The following TAFA1 variants were observed in gnomAD, a reference collection of about 807,000 sequenced individuals.
TAFA1 encodes the protein TAFA chemokine like family member 1, also known as chemokine-like protein TAFA-1.
Under a neutral mutation model 18.5 loss-of-function variants are expected in TAFA1, and 4 were observed. The ratio of observed to expected loss-of-function variants is 0.22; its 90% confidence interval spans 0.11 to 0.49. The LOEUF is 0.49. Among genes scored for constraint, TAFA1 ranks in the 20% least tolerant of loss-of-function variants. The probability of loss-of-function intolerance (pLI) is 0.98; values close to 1 mark genes in which losing one functional copy is unlikely to be tolerated. For missense variants in TAFA1, 147 were observed against 169.0 expected (o/e 0.87, Z 0.72); for synonymous variants, 56 against 55.2 (o/e 1.01, Z -0.06).
intron 2 of TAFA1, among the ~76,000 whole-genome samples, chr3:68,236,916 C>T (rs2066933878): frequency 1.3e-5 from 2 of 152,244 alleles, no homozygotes; most frequent in Non-Finnish European, 2.9e-5. Flanking sequence ...AAAACATGTG[C>T]TGGAATTAAT....
At chr3:68,523,885 C>G (rs1261785787) in intron 3 of TAFA1, among the ~76,000 whole-genome samples, 2 of 152,126 alleles carry the variant, frequency 1.3e-5, no homozygotes, top group Non-Finnish European at 2.9e-5. Flanking sequence ...AAACTTCTGT[C>G]AGTCTCATAC....
intron 2 of TAFA1, among the ~76,000 whole-genome samples, chr3:68,128,998 G>T (rs1338288646): frequency 1.3e-5 from 2 of 152,162 alleles, no homozygotes; most frequent in East Asian, 1.9e-4. Context: ...TTCTACAAAT[G>T]ATATTATACA....
chr3:68,037,523 C>T (rs1045033813), intron 2 of TAFA1, among the ~76,000 whole-genome samples: 17 of 152,156 alleles, frequency 1.1e-4, no homozygotes, highest in Admixed American at 1.0e-3. Flanking sequence ...GTCTAAACTA[C>T]AGTTTCCATT....
chr3:68,068,252 A>G (rs2064708033), intron 2 of TAFA1, among the ~76,000 whole-genome samples: 1 of 152,220 alleles, frequency 6.6e-6, no homozygotes, highest in Non-Finnish European at 1.5e-5. Flanking sequence ...GACATACAGA[A>G]AGAACAAGAT....
intron 2 of TAFA1, among the ~76,000 whole-genome samples, chr3:68,118,071 C>A (rs114461280): frequency 6.6e-6 from 1 of 152,032 alleles, no homozygotes; most frequent in African/African-American, 2.4e-5. Flanking sequence ...ATGATTCAAG[C>A]GCATTACATT....
At chr3:68,215,513 T>G (rs1021950346) in intron 2 of TAFA1, among the ~76,000 whole-genome samples, 2 of 152,008 alleles carry the variant, frequency 1.3e-5, no homozygotes, top group African/African-American at 2.4e-5. Context: ...AAACTAGACT[T>G]CATTAAAAAT....
chr3:68,533,873 C>G (rs1345104634), intron 3 of TAFA1, among the ~76,000 whole-genome samples: 1 of 151,990 alleles, frequency 6.6e-6, no homozygotes, highest in Admixed American at 6.6e-5. Flanking sequence ...AGTTTGTGGT[C>G]CTGAGATTTT....
At chr3:68,145,004 A>G in intron 2 of TAFA1, 1 of 1,567,644 alleles carries the variant, frequency 6.4e-7, no homozygotes, top group Non-Finnish European at 8.8e-7. Flanking sequence ...GGCCGTGAAG[A>G]TGCCAGTGGC....
At chr3:68,249,197 C>T (rs1234937738) in intron 2 of TAFA1, among the ~76,000 whole-genome samples, 3 of 152,214 alleles carry the variant, frequency 2.0e-5, no homozygotes, top group African/African-American at 4.8e-5. Flanking sequence ...TAAAATAATC[C>T]AGGGAATAAT....
intron 2 of TAFA1, among the ~76,000 whole-genome samples, chr3:68,159,710 C>T (rs1448331679): frequency 1.3e-5 from 2 of 152,080 alleles, no homozygotes; most frequent in Non-Finnish European, 2.9e-5. Flanking sequence ...CTAAAGTATG[C>T]CCACTACAAA....
intron 2 of TAFA1, among the ~76,000 whole-genome samples, chr3:68,360,224 C>T (rs262234): frequency 0.47 from 71,994 of 151,718 alleles, 17,608 homozygotes; most frequent in East Asian, 0.73. Flanking sequence ...AGGTGTGTGA[C>T]GTGTAGAGAA....
intron 2 of TAFA1, among the ~76,000 whole-genome samples, chr3:68,279,291 A>C (rs11708702): frequency 0.1 from 15,707 of 152,182 alleles, 986 homozygotes; most frequent in Middle Eastern, 0.17. Flanking sequence ...GGGTCCAGGA[A>C]TCTATTCTTT....
In TAFA1 at chr3:68,217,350, T is replaced by A. The variant is rs553306847; in HGVS notation, c.119-199930T>A. On this transcript the variant is annotated intron_variant, in intron 2 of 4. Coordinates refer to ENST00000478136, the MANE Select transcript of TAFA1 (RefSeq NM_213609.4). Reference sequence around the variant, plus strand: ...TAATTATGGAAAAAAATCAGATAAATATAAATTGAGCAATGTTCTATAAGT... The same window carrying A: ...TAATTATGGAAAAAAATCAGATAAAAATAAATTGAGCAATGTTCTATAAGT... Among the ~76,000 whole-genome samples the A allele has an allele frequency of 1.6e-4, 25 of 152,074 alleles. No individual in the cohort carries two copies. The East Asian group carries it at 1.9e-3, about 12-fold the overall frequency.
chr3:68,224,896 C>CTTTTTTTT (rs71112624), intron 2 of TAFA1, among the ~76,000 whole-genome samples: 1 of 46,338 alleles, frequency 2.2e-5, no homozygotes, highest in East Asian at 8.7e-4. Flanking sequence ...GCTTGTGGCA[C>CTTTTTTTT]TTTTTTTTTT....
At chr3:68,062,545 G>C (rs1389131845) in intron 2 of TAFA1, among the ~76,000 whole-genome samples, 1 of 152,158 alleles carries the variant, frequency 6.6e-6, no homozygotes, top group Non-Finnish European at 1.5e-5. Flanking sequence ...GCAGGTTCTT[G>C]ACCAAACCAA....
chr3:68,041,539 C>T (rs1411508321), intron 2 of TAFA1, among the ~76,000 whole-genome samples: 1 of 152,064 alleles, frequency 6.6e-6, no homozygotes, highest in Admixed American at 6.6e-5. Context: ...AGAAACTGAA[C>T]CTGGGTTGAA....
At chr3:68,100,302 T>A (rs1470694569) in intron 2 of TAFA1, among the ~76,000 whole-genome samples, 2 of 151,896 alleles carry the variant, frequency 1.3e-5, no homozygotes, top group Non-Finnish European at 2.9e-5. Context: ...CTGGCCAACA[T>A]GGTGAAACCC....
At chr3:68,339,497 T>C (rs1195392316) in intron 2 of TAFA1, among the ~76,000 whole-genome samples, 1 of 152,166 alleles carries the variant, frequency 6.6e-6, no homozygotes, top group African/African-American at 2.4e-5. Context: ...GAAGACATTA[T>C]ATTAATATAT....
chr3:68,398,196 C>T (rs575232797), intron 2 of TAFA1, among the ~76,000 whole-genome samples: 23 of 152,308 alleles, frequency 1.5e-4, no homozygotes, highest in African/African-American at 5.1e-4. Flanking sequence ...GTAACCAAAA[C>T]AGCATGGTAC....
Sources: gnomAD v4.1 joint callset for allele counts (sites outside exome capture counted in the v4.1 genomes callset) on GRCh38, gnomAD v4.1.1 for gene constraint, MANE v1.5 for transcripts, NCBI Gene and HGNC (gene_info 2026-07-23, HGNC 2026-07-21) for gene names.